Variants in PDE4D observed in about 807,000 individuals in gnomAD.
PDE4D encodes 3',5'-cyclic-AMP phosphodiesterase 4D.
Under a neutral mutation model 87.4 loss-of-function variants are expected in PDE4D, and 24 were observed. The ratio of observed to expected loss-of-function variants is 0.27; its 90% CI spans 0.20 to 0.39. The LOEUF (loss-of-function observed/expected upper bound fraction) is 0.39, where lower values mean the gene tolerates loss of function less well. Ranked by LOEUF, PDE4D falls within the 10% of genes least tolerant of loss-of-function variation. The pLI is 1.00. For missense variants in PDE4D, 714 were observed against 1,041.0 expected (o/e 0.69, Z 4.32); for synonymous variants, 384 against 383.2 (o/e 1.00, Z -0.02).
At chr5:59,914,043 A>C (rs1175579330) in intron 3 of PDE4D, among the ~76,000 whole-genome samples, 1 of 151,576 alleles carries the variant, frequency 6.6e-6, no homozygotes, top group Non-Finnish European at 1.5e-5. Flanking sequence ...ACATTTCTCT[A>C]CAGAAATTCT....
At chr5:59,382,679 C>T (rs1786128133) in intron 1 of PDE4D, among the ~76,000 whole-genome samples, 2 of 152,032 alleles carry the variant, frequency 1.3e-5, no homozygotes. Flanking sequence ...TTAAACAATT[C>T]CCTGGACCCA....
intron 1 of PDE4D, among the ~76,000 whole-genome samples, chr5:59,508,953 A>AAG (rs1361115159): frequency 7.2e-5 from 11 of 152,020 alleles, no homozygotes; most frequent in African/African-American, 2.7e-4. Flanking sequence ...AGTGGGGCCA[A>AAG]CATAAGTCTT....
rs376371324 is a variant in PDE4D at position 59,490,137 on chromosome 5, T to C, written c.456-274169A>G. 1.6e-3 allele frequency among the ~76,000 whole-genome samples: 240 copies of C among 152,326 alleles called. 1 individual carries two copies. Among genetic ancestry groups the C allele is most frequent in the African/African-American group, 3.6e-3 (151 of 41,584 alleles). ...AGATACCCTTACAATTATCTCATTT[T>C]ACAAACTGATTTTCTTTTTCTTTCT... On this transcript the variant is annotated intron_variant, in intron 1 of 14. Transcript: ENST00000340635.
intron 3 of PDE4D, among the ~76,000 whole-genome samples, chr5:59,939,937 C>T (rs971443098): frequency 5.9e-5 from 9 of 152,110 alleles, no homozygotes; most frequent in African/African-American, 2.2e-4. Flanking sequence ...ACTCATGACA[C>T]CAATTCTTTG....
chr5:60,363,562 A>C (rs1760266120), intron 1 of PDE4D, among the ~76,000 whole-genome samples: 1 of 152,182 alleles, frequency 6.6e-6, no homozygotes, highest in African/African-American at 2.4e-5. Context: ...TACTGCTTTC[A>C]CAAGGCTTAC....
intron 1 of PDE4D, among the ~76,000 whole-genome samples, chr5:59,421,487 C>T (rs1399014382): frequency 1.3e-5 from 2 of 151,936 alleles, no homozygotes; most frequent in African/African-American, 2.4e-5. Context: ...CATATAAGAA[C>T]ATTATAGGTA....
At chr5:59,668,220 A>T (rs1408931645) in intron 1 of PDE4D, among the ~76,000 whole-genome samples, 1 of 152,238 alleles carries the variant, frequency 6.6e-6, no homozygotes, top group African/African-American at 2.4e-5. Flanking sequence ...TCTATCATAG[A>T]ATAATTAAAA....
intron 1 of PDE4D, among the ~76,000 whole-genome samples, chr5:60,334,767 A>C (rs1352664852): frequency 6.6e-6 from 1 of 152,124 alleles, no homozygotes; most frequent in Admixed American, 6.6e-5. Flanking sequence ...TTACCCTCCC[A>C]GTTGTTCTTA....
chr5:59,952,739 A>G (rs1758429461), intron 3 of PDE4D, among the ~76,000 whole-genome samples: 1 of 152,152 alleles, frequency 6.6e-6, no homozygotes, highest in African/African-American at 2.4e-5. Context: ...AGGAAGTTCA[A>G]ACTAACCCTC....
At chr5:59,353,696 C>A (rs1015779000) in intron 1 of PDE4D, among the ~76,000 whole-genome samples, 5 of 151,986 alleles carry the variant, frequency 3.3e-5, no homozygotes, top group African/African-American at 4.8e-5. Flanking sequence ...CTCTTCCTCA[C>A]TCCTCCTTCC....
At chr5:59,632,555 C>G (rs1831709214) in intron 1 of PDE4D, among the ~76,000 whole-genome samples, 1 of 152,218 alleles carries the variant, frequency 6.6e-6, no homozygotes, top group African/African-American at 2.4e-5. Context: ...GAGCAGGGAG[C>G]AATTTTTGCT....
chr5:59,655,222 G>A (rs1418290403), intron 1 of PDE4D, among the ~76,000 whole-genome samples: 1 of 151,842 alleles, frequency 6.6e-6, no homozygotes, highest in Non-Finnish European at 1.5e-5. Flanking sequence ...ACACATCTTA[G>A]ACCAAAGCTC....
intron 2 of PDE4D, among the ~76,000 whole-genome samples, chr5:60,111,756 A>G (rs2149358995): frequency 6.6e-6 from 1 of 152,164 alleles, no homozygotes; most frequent in African/African-American, 2.4e-5. Flanking sequence ...ATAATAAAGA[A>G]AAATATACCT....
intron 1 of PDE4D, among the ~76,000 whole-genome samples, chr5:59,862,229 G>A (rs1051001043): frequency 5.9e-5 from 9 of 152,076 alleles, no homozygotes; most frequent in Admixed American, 2.6e-4. Flanking sequence ...AAGGCTGGAC[G>A]TTTCACCAGC....
At chr5:60,066,439 C>G (rs1256650755) in intron 2 of PDE4D, among the ~76,000 whole-genome samples, 3 of 152,016 alleles carry the variant, frequency 2.0e-5, no homozygotes. Flanking sequence ...AGACTTTTTA[C>G]AACCAACTCA....
intron 3 of PDE4D, among the ~76,000 whole-genome samples, chr5:59,902,235 C>A (rs6863476): frequency 3.3e-4 from 50 of 152,066 alleles, no homozygotes; most frequent in African/African-American, 1.2e-3. Flanking sequence ...AACAAAACAA[C>A]CCCTAGGAAG....
intron 1 of PDE4D, among the ~76,000 whole-genome samples, chr5:60,485,493 G>A (rs1174403012): frequency 1.3e-5 from 2 of 151,946 alleles, no homozygotes; most frequent in African/African-American, 4.8e-5. Flanking sequence ...AGTGTTAATA[G>A]TCTCCAAATG....
At chr5:59,955,858 T>C (rs1393266225) in intron 3 of PDE4D, among the ~76,000 whole-genome samples, 1 of 152,098 alleles carries the variant, frequency 6.6e-6, no homozygotes, top group Non-Finnish European at 1.5e-5. Context: ...ATCGACATGT[T>C]CTTTGGTGGG....
intron 5 of PDE4D, among the ~76,000 whole-genome samples, chr5:59,134,582 T>C (rs891912444): frequency 6.6e-6 from 1 of 152,200 alleles, no homozygotes; most frequent in Non-Finnish European, 1.5e-5. Flanking sequence ...CCACATTTTA[T>C]AGAGAAAGCT....
Sources: allele counts gnomAD v4.1 joint callset (sites outside exome capture counted in the v4.1 genomes callset), GRCh38; gene constraint gnomAD v4.1.1; transcripts MANE v1.5; gene names NCBI Gene and HGNC (gene_info 2026-07-23, HGNC 2026-07-21).